TIMP2: variants seen among roughly 807,000 people sequenced by gnomAD.
TIMP2 encodes metalloproteinase inhibitor 2.
TIMP2 carries 5 observed loss-of-function variants against 24.3 expected under a neutral mutation model. The ratio of observed to expected loss-of-function variants is 0.21; its 90% confidence interval spans 0.11 to 0.43. TIMP2 has a LOEUF of 0.43. Ranked by LOEUF, TIMP2 falls within the 20% of genes least tolerant of loss-of-function variation. The pLI, the probability that TIMP2 is intolerant of heterozygous loss-of-function variation, is 1.00. For synonymous variants in TIMP2, 130 were observed against 123.2 expected (o/e 1.06, Z -0.37); for missense variants, 221 against 297.5 (o/e 0.74, Z 1.89).
At chr17:78,883,233 C>T (rs558739619) in intron 1 of TIMP2, among the ~76,000 whole-genome samples, 19 of 152,270 alleles carry the variant, frequency 1.2e-4, no homozygotes, top group African/African-American at 4.3e-4. Flanking sequence ...ACATCCGTCC[C>T]CAGTTGAGGG....
intron 3 of TIMP2, among the ~76,000 whole-genome samples, chr17:78,859,035 A>G (rs544852095): frequency 6.6e-6 from 1 of 152,274 alleles, no homozygotes. Context: ...TATGTAGATT[A>G]TATTGTTTCC....
At chr17:78,909,074 G>T (rs2070185190) in intron 1 of TIMP2, among the ~76,000 whole-genome samples, 1 of 152,222 alleles carries the variant, frequency 6.6e-6, no homozygotes, top group Non-Finnish European at 1.5e-5. Context: ...TAGGTCAGGT[G>T]CAGTGGCTCA....
chr17:78,878,248 C>A (rs1468808168), intron 1 of TIMP2, among the ~76,000 whole-genome samples: 6 of 152,160 alleles, frequency 3.9e-5, no homozygotes, highest in African/African-American at 1.4e-4. Flanking sequence ...CCTGCATTCA[C>A]CCCTGGATGG....
intron 1 of TIMP2, chr17:78,892,445 C>T (rs902735476): frequency 1.1e-5 from 17 of 1,548,382 alleles, no homozygotes; most frequent in Middle Eastern, 1.7e-4. Context: ...GAAGCCACAA[C>T]GTTCCACAGC....
intron 1 of TIMP2, among the ~76,000 whole-genome samples, chr17:78,887,687 A>T (rs1464900255): frequency 6.6e-6 from 1 of 151,302 alleles, no homozygotes; most frequent in Admixed American, 6.6e-5. Flanking sequence ...GCCCAGCCTC[A>T]TATTTGTAAA....
rs150676473 is a variant in TIMP2, at chr17:78,874,649, C to T, written c.131-730G>A. Among the ~76,000 whole-genome samples, 457 of 152,258 alleles carry T rather than the reference C, an allele frequency of 3.0e-3. 4 individuals carry two copies. The highest frequency in any genetic ancestry group is 0.02 in the Middle Eastern group (6 of 294). ...CTGGAGTGCAGTGGCACCGTTTTGG[C>T]TCACTGCAACCTCTATCTCCCAGGT... On this transcript the variant is annotated intron_variant, in intron 1 of 4. Coordinates refer to ENST00000262768, the MANE Select transcript of TIMP2 (RefSeq NM_003255.5).
At chr17:78,923,612 A>G (rs2145800110) in intron 1 of TIMP2, among the ~76,000 whole-genome samples, 1 of 152,282 alleles carries the variant, frequency 6.6e-6, no homozygotes. Context: ...TCCTTCACCC[A>G]CAAATCTTGC....
chr17:78,882,518 TTGTG>T (rs1599154751), intron 1 of TIMP2, among the ~76,000 whole-genome samples: 3 of 152,350 alleles, frequency 2.0e-5, no homozygotes, highest in South Asian at 4.1e-4. Flanking sequence ...CCCTAAATGT[TTGTG>T]TGTAACTAAT....
intron 3 of TIMP2, among the ~76,000 whole-genome samples, chr17:78,862,868 CAT>C: frequency 1.3e-5 from 2 of 152,336 alleles, no homozygotes; most frequent in South Asian, 4.1e-4. Context: ...CAGCTGCACT[CAT>C]GTGGCTGCAA....
chr17:78,904,333 G>A (rs2070137685), intron 1 of TIMP2: 1 of 152,034 alleles, frequency 6.6e-6, no homozygotes, highest in African/African-American at 2.4e-5. Flanking sequence ...ATGTGGCTGG[G>A]AAATCATGAT....
chr17:78,890,511 T>C (rs1044711469), intron 1 of TIMP2: 1 of 1,122,166 alleles, frequency 8.9e-7, no homozygotes, highest in African/African-American at 1.6e-5. Flanking sequence ...CGGCCCCAGA[T>C]TGCCCATTTT....
chr17:78,871,248 T>TTG (rs2069680980), intron 2 of TIMP2, among the ~76,000 whole-genome samples: 1 of 151,206 alleles, frequency 6.6e-6, no homozygotes, highest in Admixed American at 6.6e-5. Context: ...GGTCAGGAGT[T>TTG]TGAGACCAGC....
At chr17:78,886,361 CAGGAAGACCTCGGCT>C (rs1567997950) in intron 1 of TIMP2, among the ~76,000 whole-genome samples, 8 of 151,912 alleles carry the variant, frequency 5.3e-5, no homozygotes, top group Non-Finnish European at 1.2e-4. Flanking sequence ...CAGGCTAAGG[CAGGAAGACCTCGGCT>C]ACTCAATGTT....
rs1252180209 is a variant in TIMP2, at chr17:78,891,686, G to T, written c.131-17767C>A. ...CAGTTGCCTCCTCCCCGCCCGAGCT[G>T]TTCCTTTCTCTTTTTCCTCCACAAG... On this transcript the variant is annotated intron_variant, in intron 1 of 4. Transcript: ENST00000262768. This position sits in a 1 kb window ranked among gnomAD's most constrained non-coding sequence, Gnocchi z 4.5. The T allele has an allele frequency of 6.4e-7, 1 of 1,551,106 alleles. No homozygotes were observed. Among genetic ancestry groups the T allele is most frequent in the Non-Finnish European group, 8.7e-7 (1 of 1,147,114 alleles).
At chr17:78,907,082 T>C (rs2070165961) in intron 1 of TIMP2, among the ~76,000 whole-genome samples, 1 of 150,974 alleles carries the variant, frequency 6.6e-6, no homozygotes, top group Non-Finnish European at 1.5e-5. Flanking sequence ...CTGTCAAGCT[T>C]GAATGCAATG....
intron 1 of TIMP2, chr17:78,922,197 G>C (rs947991877): frequency 1.3e-5 from 2 of 152,256 alleles, no homozygotes; most frequent in African/African-American, 4.8e-5. Flanking sequence ...CCATTGCTGA[G>C]AAAGTCACAA....
At chr17:78,892,044 C>T in intron 1 of TIMP2, 1 of 1,550,942 alleles carries the variant, frequency 6.4e-7, no homozygotes, top group Non-Finnish European at 8.7e-7. Flanking sequence ...TGGATGGGCC[C>T]CTGCGAGTCA....
At chr17:78,873,769 C>A (rs370978393) in intron 2 of TIMP2, 50 bp downstream of exon 2, 1 of 1,528,230 alleles carries the variant, frequency 6.5e-7, no homozygotes, top group Non-Finnish European at 9.0e-7. Context: ...ACCCCAACAC[C>A]CCACAGCTGT....
At chr17:78,895,927 T>C (rs2069991956) in intron 1 of TIMP2, among the ~76,000 whole-genome samples, 1 of 152,244 alleles carries the variant, frequency 6.6e-6, no homozygotes, top group African/African-American at 2.4e-5. Context: ...TTCCCTGCTC[T>C]GGAAGTGCCC....
Sources: gnomAD v4.1 joint callset for allele counts (sites outside exome capture counted in the v4.1 genomes callset) on GRCh38, gnomAD v4.1.1 for gene constraint, Gnocchi (gnomAD v3.1) non-coding constraint, MANE v1.5 for transcripts, NCBI Gene and HGNC (gene_info 2026-07-23, HGNC 2026-07-21) for gene names.